The following NLRP7 variants were observed in gnomAD, a reference collection of about 807,000 sequenced individuals.
NLRP7 encodes NACHT, LRR and PYD domains-containing protein 7.
NLRP7 carries 72 observed loss-of-function variants against 85.5 expected under a neutral mutation model. The ratio of observed to expected loss-of-function variants is 0.84; its 90% CI spans 0.70 to 1.02. The LOEUF (loss-of-function observed/expected upper bound fraction) is 1.02, where lower values mean the gene tolerates loss of function less well. Among genes scored for constraint, NLRP7 ranks in the 50% least tolerant of loss-of-function variants. NLRP7 has a pLI of 0.00. For synonymous variants in NLRP7, 550 were observed against 505.2 expected, an observed-to-expected ratio of 1.09 and a Z score of -1.19; for missense variants, 1,243 against 1,219.5, an observed-to-expected ratio of 1.02 and a Z score of -0.29.
chr19:54,942,690 C>T (rs1172022695), intron 1 of NLRP7, among the ~76,000 whole-genome samples: 4 of 151,950 alleles, frequency 2.6e-5, no homozygotes, highest in Non-Finnish European at 4.4e-5. Context: ...ACTCGAGCCT[C>T]GGCAACAAGA....
chr19:54,938,217 G>T (rs750824432), exon 5 of NLRP7: 2 of 1,614,086 alleles, frequency 1.2e-6, no homozygotes, highest in Non-Finnish European at 8.5e-7. Flanking sequence ...GCCGAGCCCA[G>T]TTCGGAATGG....
At chr19:54,939,069 C>A (rs370894280) in exon 4 of NLRP7, 28 of 1,614,234 alleles carry the variant, frequency 1.7e-5, no homozygotes, top group Non-Finnish European at 2.4e-5. Context: ...ACCACCTTCG[C>A]CAGCTCCTCC....
intron 7 of NLRP7, 111 bp from the exon 8 acceptor site, chr19:54,933,850 C>A: frequency 2.1e-6 from 2 of 936,420 alleles, no homozygotes; most frequent in Non-Finnish European, 1.7e-6. Flanking sequence ...CCTGTTCATC[C>A]CCTGCCCTCT....
chr19:54,955,510 T>C (rs184346425), intron 1 of NLRP7, among the ~76,000 whole-genome samples: 7 of 152,148 alleles, frequency 4.6e-5, no homozygotes, highest in Admixed American at 2.0e-4. Context: ...CTTGATCAAA[T>C]ATACAGAATT....
intron 3 of NLRP7, 23 bp from the exon 4 acceptor site, chr19:54,940,489 AGTTGAG>A (rs777211269): frequency 6.2e-7 from 1 of 1,612,316 alleles, no homozygotes; most frequent in Admixed American, 1.7e-5. Flanking sequence ...CCCATAGGAC[AGTTGAG>A]GTTGATGATG....
chr19:54,943,329 C>T (rs962297614), intron 1 of NLRP7, among the ~76,000 whole-genome samples: 2 of 150,074 alleles, frequency 1.3e-5, no homozygotes, highest in Non-Finnish European at 3.0e-5. Flanking sequence ...TGGCCGGGTG[C>T]GGTGGCTCAC....
At chr19:54,930,425 G>A in intron 9 of NLRP7, 74 bp downstream of exon 9, 1 of 1,033,854 alleles carries the variant, frequency 9.7e-7, no homozygotes, top group Non-Finnish European at 1.5e-6. Context: ...TCACCCCACT[G>A]CACTCCAGGC....
intron 1 of NLRP7, among the ~76,000 whole-genome samples, chr19:54,956,177 G>A (rs898613486): frequency 6.6e-6 from 1 of 151,740 alleles, no homozygotes; most frequent in Admixed American, 6.6e-5. Context: ...GGGAAGGAGG[G>A]AAAGGAAGTC....
intron 1 of NLRP7, among the ~76,000 whole-genome samples, chr19:54,943,530 G>A (rs2069330111): frequency 6.6e-6 from 1 of 151,546 alleles, no homozygotes; most frequent in African/African-American, 2.4e-5. Context: ...GAACCCGGGA[G>A]GCGGAGCTTG....
At chr19:54,938,937 C>A (rs1419874912) in exon 4 of NLRP7, 1 of 1,614,006 alleles carries the variant, frequency 6.2e-7, no homozygotes, top group Non-Finnish European at 8.5e-7. Context: ...TCCAGGAACA[C>A]CCCCTTTGCT....
chr19:54,953,557 C>T (rs2069743449), intron 1 of NLRP7, among the ~76,000 whole-genome samples: 2 of 149,052 alleles, frequency 1.3e-5, no homozygotes, highest in African/African-American at 2.6e-5. Flanking sequence ...TCCTGGGCCG[C>T]GGGGCTGTCT....
intron 1 of NLRP7, among the ~76,000 whole-genome samples, chr19:54,964,289 T>C (rs1394004326): frequency 7.5e-6 from 1 of 132,542 alleles, no homozygotes; most frequent in Non-Finnish European, 1.6e-5. Flanking sequence ...CGATCTCGGC[T>C]CACTGCAAGC....
At chr19:54,951,255 A>G (rs551255763), upstream of NLRP7, among the ~76,000 whole-genome samples, 1 of 152,264 alleles carries the variant, frequency 6.6e-6, no homozygotes, top group East Asian at 1.9e-4. Flanking sequence ...CCACAAAAAT[A>G]TCCTTTGTAG....
Position 54,940,295 on chromosome 19 carries a change from AC to A in NLRP7, c.523del (p.Val175CysfsTer52). ...CCCCACGCCTGCGGGGCCGTGCAGC[AC>A]CACCGTGTAAGGTGTTAGCTTCCTG... On this transcript the variant is annotated frameshift_variant, in exon 4 of 10. Coordinates refer to ENST00000340844, the Ensembl canonical transcript of NLRP7. LOFTEE classifies it high-confidence loss of function. The A allele has an allele frequency of 6.2e-7, 1 of 1,614,206 alleles. No homozygotes were observed. The highest frequency in any genetic ancestry group is 8.5e-7 in the Non-Finnish European group (1 of 1,180,036).
intron 8 of NLRP7, among the ~76,000 whole-genome samples, chr19:54,932,515 T>A (rs921077643): frequency 1.3e-5 from 2 of 152,102 alleles, no homozygotes; most frequent in African/African-American, 4.8e-5. Context: ...CTCTTGAATA[T>A]TTTTCTAACC....
At chr19:54,927,373 C>T (rs2068487742) in intron 9 of NLRP7, among the ~76,000 whole-genome samples, 1 of 138,692 alleles carries the variant, frequency 7.2e-6, no homozygotes, top group Admixed American at 7.7e-5. Context: ...AAGAACAAAA[C>T]TCCGTCTCAA....
chr19:54,933,696 C>T (rs1396267842), exon 8 of NLRP7: 1 of 1,614,190 alleles, frequency 6.2e-7, no homozygotes, highest in Admixed American at 1.7e-5. Flanking sequence ...AAGACAGCAG[C>T]AAGGTCCTTG....
chr19:54,944,485 C>A, intron 1 of NLRP7, among the ~76,000 whole-genome samples: 1 of 152,156 alleles, frequency 6.6e-6, no homozygotes, highest in South Asian at 2.1e-4. Context: ...TCCCCGTCTC[C>A]GAGATGGTAG....
exon 4 of NLRP7, chr19:54,939,487 G>A (rs745499202): frequency 1.2e-5 from 19 of 1,613,708 alleles, no homozygotes; most frequent in Non-Finnish European, 1.4e-5. Flanking sequence ...ACAGACGGAG[G>A]TCGGACTCCT....
Sources: allele counts gnomAD v4.1 joint callset (sites outside exome capture counted in the v4.1 genomes callset), GRCh38; gene constraint gnomAD v4.1.1; transcripts MANE v1.5; gene names NCBI Gene and HGNC (gene_info 2026-07-23, HGNC 2026-07-21).